SMARCD2: variants seen among roughly 807,000 people sequenced by gnomAD.
SMARCD2 encodes the protein SWI/SNF-related matrix-associated actin-dependent regulator of chromatin subfamily D member 2.
Under a neutral mutation model 70.4 loss-of-function variants are expected in SMARCD2, and 39 were observed. The observed-to-expected ratio is 0.55, with a 90% CI of 0.43 to 0.72. The LOEUF is 0.72. SMARCD2 is among the 30% of genes least tolerant of loss of function. SMARCD2 has a pLI of 0.00. For synonymous variants in SMARCD2, 249 were observed against 279.4 expected (o/e 0.89, Z 1.08); for missense variants, 540 against 713.4 (o/e 0.76, Z 2.77).
At chr17:63,838,957 AC>A in intron 1 of SMARCD2, 1 of 985,252 alleles carries the variant, frequency 1.0e-6, no homozygotes, top group Non-Finnish European at 1.2e-6. Flanking sequence ...AAGAAACATG[AC>A]CCACAGACGT....
Position 63,832,353 on chromosome 17 carries a change from G to T in SMARCD2, c.*585C>A. On this transcript the variant is annotated 3_prime_UTR_variant, in exon 13 of 13. Transcript: ENST00000448276. ...GGCCAGAGCCGCTTGCATAGATTGA[G>T]GAAAGAAAAGAAGGAGGCACCTAAC... The T allele has an allele frequency of 4.1e-6, 1 of 241,328 alleles. No homozygotes were observed. Among genetic ancestry groups the T allele is most frequent in the Non-Finnish European group, 8.1e-6 (1 of 123,828 alleles). 14.9% of individuals were successfully genotyped at this position (241,328 alleles called of 1,614,324 possible).
rs1339260831 is a variant in SMARCD2 at position 63,834,894 on chromosome 17, G to C, written c.724-94C>G. 1.1e-6 allele frequency: 1 copy of C among 883,408 alleles called. No homozygotes were observed. The highest frequency in any genetic ancestry group is 1.9e-6 in the Non-Finnish European group (1 of 538,294). 54.7% of individuals were successfully genotyped at this position (883,408 alleles called of 1,614,324 possible). On this transcript the variant is annotated intron_variant, in intron 5 of 12. Coordinates refer to ENST00000448276, the MANE Select transcript of SMARCD2 (RefSeq NM_001098426.2). The surrounding 1 kb of genome is among the most constrained non-coding windows in gnomAD (Gnocchi z 5.6). Reference sequence around the variant, plus strand: ...GAAAGAGAAGCCCCATTTCAGCCCTGGAGCTCCGGATACTGAAGATTCCTG... The same window carrying C: ...GAAAGAGAAGCCCCATTTCAGCCCTCGAGCTCCGGATACTGAAGATTCCTG...
rs931016500 is a variant in SMARCD2, at chr17:63,832,287, C to T, written c.*651G>A. On this transcript the variant is annotated 3_prime_UTR_variant, in exon 13 of 13. Transcript: ENST00000448276. ...GGAGTGTCCCCTCCCCGGCCCAAGCCGCTGGAGAGGCAGCCCTCTGGCATC... is the reference window on the plus strand; with the variant it reads ...GGAGTGTCCCCTCCCCGGCCCAAGCTGCTGGAGAGGCAGCCCTCTGGCATC... The T allele has an allele frequency of 2.4e-5, 9 of 369,520 alleles. No homozygotes were observed. Among genetic ancestry groups the T allele is most frequent in the East Asian group, 5.1e-5 (1 of 19,498 alleles). 22.9% of individuals were successfully genotyped at this position (369,520 alleles called of 1,614,324 possible). A position where few individuals can be genotyped will look rare whatever the true frequency, so the allele number is the denominator to read the frequency against.
At chr17:63,836,500 G>GAAA (rs61376475) in intron 4 of SMARCD2, among the ~76,000 whole-genome samples, 1 of 64,808 alleles carries the variant, frequency 1.5e-5, no homozygotes. Context: ...CTCCATCTCA[G>GAAA]AAAAAAAAAA....
chr17:63,835,484 G>A lies in SMARCD2; in HGVS notation c.651C>T (p.Thr217=), dbSNP rs1377296747. The A allele has an allele frequency of 6.2e-7, 1 of 1,613,888 alleles. No individual in the cohort carries two copies. The highest frequency in any genetic ancestry group is 8.5e-7 in the Non-Finnish European group (1 of 1,179,750). The change falls in exon 5 of 13, where the codon ACC becomes ACT. Residue 217 remains threonine, a synonymous_variant. Coordinates refer to ENST00000448276, the MANE Select transcript of SMARCD2 (RefSeq NM_001098426.2). ...AEGDSAGTAG[T]PGGTPAGDKV... ...TGTCCCCTGCTGGGGTTCCCCCAGG[G>A]GTCCCTGCAGTTCCTGCACTATCGC...
Position 63,834,555 on chromosome 17 carries a change from G to A in SMARCD2, c.840C>T (p.Thr280=), listed in dbSNP as rs374304188. 49 of 1,606,672 alleles carry A rather than the reference G, an allele frequency of 3.0e-5. No individual in the cohort carries two copies. The African/African-American group carries it at 4.8e-4, about 16-fold the overall frequency. Reference sequence around the variant, plus strand: ...TTACTTGGAAGCCATCTGTCTCCTGGGTGGTGGGCATCCGGTGCCACTGGC... The same window carrying A: ...TTACTTGGAAGCCATCTGTCTCCTGAGTGGTGGGCATCCGGTGCCACTGGC... ...HLVEWHRMPT[T]QETDGFQVKR... is the part of the protein sequence containing the mutation. Residue 280 remains threonine, a synonymous_variant, in exon 7 of 13, where the codon ACC becomes ACT. Coordinates refer to ENST00000448276, the MANE Select transcript of SMARCD2 (RefSeq NM_001098426.2). The surrounding 1 kb of genome is among the most constrained non-coding windows in gnomAD (Gnocchi z 5.6).
intron 1 of SMARCD2, among the ~76,000 whole-genome samples, chr17:63,842,081 G>A (rs575072307): frequency 6.6e-6 from 1 of 152,304 alleles, no homozygotes; most frequent in African/African-American, 2.4e-5. Flanking sequence ...CCGATGCAGG[G>A]TAACCCCGGT....
At position 63,834,416 on chromosome 17, in the gene SMARCD2, C is replaced by T; in HGVS notation, c.921+58G>A. On this transcript the variant is annotated intron_variant, in intron 7 of 12. Coordinates refer to ENST00000448276, the MANE Select transcript of SMARCD2 (RefSeq NM_001098426.2). The surrounding 1 kb of genome is among the most constrained non-coding windows in gnomAD (Gnocchi z 5.6). ...AGGGACAGGAAGGGTTTCTAGGAACCAGCTCCCCTCCTGAGGGGTCCCTGT... is the reference window on the plus strand; with the variant it reads ...AGGGACAGGAAGGGTTTCTAGGAACTAGCTCCCCTCCTGAGGGGTCCCTGT... The T allele has an allele frequency of 6.4e-7, 1 of 1,559,434 alleles. No homozygotes were observed. The highest frequency in any genetic ancestry group is 2.3e-5 in the East Asian group (1 of 44,246).
chr17:63,837,775 G>C lies in SMARCD2; in HGVS notation c.217-150C>G. 1.5e-6 allele frequency: 1 copy of C among 666,246 alleles called. No individual in the cohort carries two copies. The highest frequency in any genetic ancestry group is 2.6e-6 in the Non-Finnish European group (1 of 391,884). 41.3% of individuals were successfully genotyped at this position (666,246 alleles called of 1,614,324 possible). A position where few individuals can be genotyped will look rare whatever the true frequency, so the allele number is the denominator to read the frequency against. Reference sequence around the variant, plus strand: ...GAGCCCCAGGAACAAAGGGGAGTGGGCGCCTGAGCACAGAGTGTAAACCAC... The same window carrying C: ...GAGCCCCAGGAACAAAGGGGAGTGGCCGCCTGAGCACAGAGTGTAAACCAC... On this transcript the variant is annotated intron_variant, in intron 1 of 12. Transcript: ENST00000448276. This position sits in a 1 kb window ranked among gnomAD's most constrained non-coding sequence, Gnocchi z 6.4.
At position 63,842,580 on chromosome 17, in the gene SMARCD2, G is replaced by T; in HGVS notation, c.95C>A (p.Ala32Glu). The change falls in exon 1 of 13, where the codon GCG becomes GAG. Residue 32 changes from alanine (A) to glutamate (E), a missense_variant. Coordinates refer to ENST00000448276, the MANE Select transcript of SMARCD2 (RefSeq NM_001098426.2). ...AAALGAPPPP[A>E]GPGMLPGPAL... ...CGGTCCGGGCAGCATGCCGGGTCCC[G>T]CGGGGGGAGGCGGCGCTCCCAGGGC... 8.3e-7 allele frequency: 1 copy of T among 1,207,298 alleles called. No individual in the cohort carries two copies. Among genetic ancestry groups the T allele is most frequent in the Non-Finnish European group, 1.0e-6 (1 of 972,518 alleles). The allele number at this position is 1,207,298 out of a possible 1,614,324, so 74.8% of individuals were successfully genotyped here. A position where few individuals can be genotyped will look rare whatever the true frequency, so the allele number is the denominator to read the frequency against.
Position 63,833,584 on chromosome 17 carries a change from C to T in SMARCD2, c.1317+3G>A, listed in dbSNP as rs904530384. 1.9e-6 allele frequency: 3 copies of T among 1,613,894 alleles called. No individual in the cohort carries two copies. The African/African-American group carries it at 4.0e-5, about 22-fold the overall frequency. ...GAGGAAGCTGTGGAGCCAGAGGGCC[C>T]ACCTTGACATCAAGGGAGGCGATCT... On this transcript the variant is annotated splice_donor_region_variant and intron_variant, in intron 10 of 12. Coordinates refer to ENST00000448276, the MANE Select transcript of SMARCD2 (RefSeq NM_001098426.2). This position sits in a 1 kb window ranked among gnomAD's most constrained non-coding sequence, Gnocchi z 4.3.
chr17:63,839,361 C>G (rs1904350482), intron 1 of SMARCD2: 1 of 346,324 alleles, frequency 2.9e-6, no homozygotes, highest in Admixed American at 6.5e-5. Flanking sequence ...CCCTCCTGGG[C>G]AGGTGCTCCG....
intron 1 of SMARCD2, among the ~76,000 whole-genome samples, chr17:63,841,277 C>T (rs1904451628): frequency 6.6e-6 from 1 of 152,232 alleles, no homozygotes; most frequent in Non-Finnish European, 1.5e-5. Flanking sequence ...CAGTCACTGT[C>T]CCTAGTTAAG....
At chr17:63,836,858 G>A in intron 4 of SMARCD2, 64 bp downstream of exon 4, 1 of 1,561,310 alleles carries the variant, frequency 6.4e-7, no homozygotes, top group Non-Finnish European at 8.8e-7. Flanking sequence ...TTGGCCCCTG[G>A]AAAACAAGGG....
rs1333878063 is a variant in SMARCD2, at chr17:63,837,612, G to T, written c.230C>A (p.Ser77Ter). 1.2e-6 allele frequency: 2 copies of T among 1,612,834 alleles called. No homozygotes were observed. The highest frequency in any genetic ancestry group is 1.7e-6 in the Non-Finnish European group (2 of 1,179,518). The change falls in exon 2 of 13, where the codon TCA (serine) becomes TAA (stop). Residue 77 changes from serine to a stop codon, truncating the protein, a stop_gained. Transcript: ENST00000448276. LOFTEE classifies it high-confidence loss of function. The surrounding 1 kb of genome is among the most constrained non-coding windows in gnomAD (Gnocchi z 6.4). ...PAAQYQRPGM[S>*]PGNRMPMAGL... ...AGCCATGGGCATCCGGTTCCCTGGTGACATGCCAGGTCGCTGGGGGAAGTG... is the reference window on the plus strand; with the variant it reads ...AGCCATGGGCATCCGGTTCCCTGGTTACATGCCAGGTCGCTGGGGGAAGTG...
At chr17:63,842,386 GC>G in intron 1 of SMARCD2, 72 bp downstream of exon 1, 1 of 1,259,850 alleles carries the variant, frequency 7.9e-7, no homozygotes, top group Non-Finnish European at 1.0e-6. Flanking sequence ...CTCACTCGAG[GC>G]CCCTTCAGCC....
intron 4 of SMARCD2, among the ~76,000 whole-genome samples, chr17:63,836,019 G>A (rs940302691): frequency 6.6e-5 from 10 of 151,894 alleles, no homozygotes; most frequent in African/African-American, 2.4e-4. Context: ...GTGAGCCACC[G>A]CACCTGGCCG....
In SMARCD2 at chr17:63,833,861, G is replaced by C. The variant is rs1400697537; in HGVS notation, c.1181+48C>G. 2 of 1,544,170 alleles carry C rather than the reference G, an allele frequency of 1.3e-6. No homozygotes were observed. Among genetic ancestry groups the C allele is most frequent in the Middle Eastern group, 1.7e-4 (1 of 5,932 alleles). ...TCTTTGGCTTTAGTTCAAGCCAAGG[G>C]TGAATCTGCTCTTAGAAGAGCCTTC... On this transcript the variant is annotated intron_variant, in intron 9 of 12. Transcript: ENST00000448276. The surrounding 1 kb of genome is among the most constrained non-coding windows in gnomAD (Gnocchi z 4.3).
At chr17:63,842,135 G>A (rs1375564061) in intron 1 of SMARCD2, among the ~76,000 whole-genome samples, 1 of 151,956 alleles carries the variant, frequency 6.6e-6, no homozygotes, top group Non-Finnish European at 1.5e-5. Flanking sequence ...TCACTTTCCA[G>A]CCCTCCTACC....
Sources: allele counts gnomAD v4.1 joint callset (sites outside exome capture counted in the v4.1 genomes callset), GRCh38; gene constraint gnomAD v4.1.1; non-coding constraint Gnocchi (gnomAD v3.1); transcripts MANE v1.5; gene names NCBI Gene and HGNC (gene_info 2026-07-23, HGNC 2026-07-21).